The following INTS6 variants were observed in gnomAD, a reference collection of about 807,000 sequenced individuals.
The protein encoded by INTS6 is integrator complex subunit 6.
Under a neutral mutation model 104.9 loss-of-function variants are expected in INTS6, and 16 were observed. That is an observed-to-expected ratio of 0.15 (90% CI 0.10 to 0.23). INTS6 has a LOEUF of 0.23. INTS6 is among the 10% of genes least tolerant of loss of function. INTS6 has a pLI of 1.00. For synonymous variants in INTS6, 324 were observed against 358.7 expected, an observed-to-expected ratio of 0.90 and a Z score of 1.09; for missense variants, 584 against 1,062.8, an observed-to-expected ratio of 0.55 and a Z score of 6.26.
At chr13:51,412,996 T>C (rs535518212) in intron 4 of INTS6, among the ~76,000 whole-genome samples, 2 of 152,310 alleles carry the variant, frequency 1.3e-5, no homozygotes, top group East Asian at 1.9e-4. Flanking sequence ...GTGATATTTA[T>C]AAATGCTTCA....
chr13:51,444,907 T>TA (rs1210206011), intron 3 of INTS6: 2 of 149,482 alleles, frequency 1.3e-5, no homozygotes, highest in Non-Finnish European at 3.0e-5. Flanking sequence ...TAAAAGAAAA[T>TA]AAAATCTGGG....
intron 13 of INTS6, 116 bp downstream of exon 13, chr13:51,375,932 C>T (rs1955921384): frequency 1.3e-6 from 1 of 775,702 alleles, no homozygotes; most frequent in Non-Finnish European, 1.9e-6. Flanking sequence ...TTTGAACTTA[C>T]AATAAGAATG....
At chr13:51,438,134 T>C in intron 3 of INTS6, 1 of 152,196 alleles carries the variant, frequency 6.6e-6, no homozygotes, top group East Asian at 1.9e-4. Context: ...TTGCTAAGAT[T>C]TTTTAGGAGG....
At chr13:51,344,241 G>T in the INTS6 span, 1 of 1,609,320 alleles carries the variant, frequency 6.2e-7, no homozygotes, top group Non-Finnish European at 8.5e-7. Flanking sequence ...ATCCCAACTT[G>T]TTTTTCACAG....
At chr13:51,421,248 A>C in intron 4 of INTS6, 1 of 985,658 alleles carries the variant, frequency 1.0e-6, no homozygotes, top group African/African-American at 1.7e-5. Flanking sequence ...TGTATCCAGG[A>C]ATCATGACCC....
rs1405557124 is a variant in INTS6, at chr13:51,362,855, C to T, written c.*2897G>A. ...ATTTTTGTGACGAGAAAGATATAAA[C>T]CATTCACTAGAAAATAATCTATTTG... On this transcript the variant is annotated 3_prime_UTR_variant, in exon 18 of 18. Transcript: ENST00000311234. The T allele has an allele frequency of 6.6e-6, 1 of 152,372 alleles. No individual in the cohort carries two copies. Among genetic ancestry groups the T allele is most frequent in the Non-Finnish European group, 1.5e-5 (1 of 67,880 alleles). 9.4% of individuals were successfully genotyped at this position (152,372 alleles called of 1,614,324 possible).
At chr13:51,396,131 C>G (rs1956333297) in intron 4 of INTS6, among the ~76,000 whole-genome samples, 1 of 151,982 alleles carries the variant, frequency 6.6e-6, no homozygotes, top group Admixed American at 6.6e-5. Context: ...AAATAGACCT[C>G]AAAAAAATGA....
At chr13:51,389,589 A>G (rs1192615619) in intron 5 of INTS6, 145 bp from the exon 6 acceptor site, 2 of 678,008 alleles carry the variant, frequency 2.9e-6, no homozygotes, top group Non-Finnish European at 2.2e-6. Context: ...AAAGTTGACT[A>G]ATTTCATTAT....
chr13:51,334,599 A>C, the INTS6 span, among the ~76,000 whole-genome samples: 1 of 152,190 alleles, frequency 6.6e-6, no homozygotes, highest in African/African-American at 2.4e-5. Flanking sequence ...CTTACTTTAA[A>C]ATTTATTTCG....
In INTS6 at chr13:51,362,072, A is replaced by G. The variant is rs1417841244; in HGVS notation, c.*3680T>C. 9.0e-6 allele frequency: 14 copies of G among 1,554,242 alleles called. No individual in the cohort carries two copies. The East Asian group carries it at 3.2e-4, about 36-fold the overall frequency. On this transcript the variant is annotated 3_prime_UTR_variant, in exon 18 of 18. Coordinates refer to ENST00000311234, the MANE Select transcript of INTS6 (RefSeq NM_012141.3). ...AGAAAGGGGACTATTTCGTAAGTAC[A>G]AAGGAAACTTATCCTCCATGTTTTT...
chr13:51,404,873 G>C (rs1316297804), intron 4 of INTS6, among the ~76,000 whole-genome samples: 3 of 152,054 alleles, frequency 2.0e-5, no homozygotes, highest in Admixed American at 2.0e-4. Flanking sequence ...AATTAAAATA[G>C]GGATCAGAAA....
intron 4 of INTS6, among the ~76,000 whole-genome samples, chr13:51,428,958 A>C (rs1343870156): frequency 6.6e-6 from 1 of 152,214 alleles, no homozygotes; most frequent in Non-Finnish European, 1.5e-5. Context: ...GCCTCATGAA[A>C]GAATAATACT....
intron 4 of INTS6, among the ~76,000 whole-genome samples, chr13:51,413,242 C>A (rs145849451): frequency 3.9e-5 from 6 of 152,166 alleles, no homozygotes; most frequent in Non-Finnish European, 8.8e-5. Context: ...TATGCACCAG[C>A]CTTGACAAAT....
chr13:51,395,195 A>AAC, intron 5 of INTS6, 105 bp downstream of exon 5: 1 of 1,112,518 alleles, frequency 9.0e-7, no homozygotes, highest in Non-Finnish European at 1.3e-6. Flanking sequence ...TCCTAATATT[A>AAC]ACTTGTGAAA....
intron 3 of INTS6, chr13:51,447,357 G>GT (rs1952938905): frequency 6.6e-6 from 1 of 152,046 alleles, no homozygotes; most frequent in Non-Finnish European, 1.5e-5. Flanking sequence ...AGTAGTATTA[G>GT]AACTATAACT....
chr13:51,430,187 C>T (rs1376482269), intron 4 of INTS6, 107 bp downstream of exon 4: 1 of 872,886 alleles, frequency 1.1e-6, no homozygotes, highest in South Asian at 1.5e-5. Context: ...CTCTAAATTG[C>T]ATCAAATAAT....
At chr13:51,337,809 A>C in the INTS6 span, among the ~76,000 whole-genome samples, 9 of 152,194 alleles carry the variant, frequency 5.9e-5, no homozygotes, top group Admixed American at 1.3e-4. Flanking sequence ...TATGTTGTTA[A>C]AATTACAAAT....
the INTS6 span, among the ~76,000 whole-genome samples, chr13:51,334,553 C>A: frequency 1.3e-5 from 2 of 151,954 alleles, no homozygotes; most frequent in Non-Finnish European, 2.9e-5. Context: ...CATGATAATC[C>A]CATTTTAGTT....
rs1204905376 is a variant in INTS6 at position 51,395,360 on chromosome 13, G to T, written c.553C>A (p.Gln185Lys). ...LPGTMSVESE[Q>K]LTGVPLDDSA... is the part of the protein sequence containing the mutation. ...TCATCTAAAGGCACACCTGTCAACT[G>T]TTCTGATTCTACTGACATGGTGCCA... is the stretch of plus-strand genomic sequence containing the variant. The change falls in exon 5 of 18, where the codon CAG becomes AAG. Residue 185 changes from glutamine (Q) to lysine (K), a missense_variant. Coordinates refer to ENST00000311234, the MANE Select transcript of INTS6 (RefSeq NM_012141.3). 1 of 1,613,814 alleles carries T rather than the reference G, an allele frequency of 6.2e-7. No homozygotes were observed. The highest frequency in any genetic ancestry group is 1.7e-5 in the Admixed American group (1 of 59,986).
Sources: gnomAD v4.1 joint callset for allele counts (sites outside exome capture counted in the v4.1 genomes callset) on GRCh38, gnomAD v4.1.1 for gene constraint, MANE v1.5 for transcripts, NCBI Gene and HGNC (gene_info 2026-07-23, HGNC 2026-07-21) for gene names.